Variants in IMMT observed in about 807,000 individuals in gnomAD.
IMMT encodes MICOS complex subunit MIC60.
In IMMT, 40 loss-of-function variants were observed where a neutral mutation model predicts 92.7. The ratio of observed to expected loss-of-function variants is 0.43; its 90% CI spans 0.34 to 0.56. IMMT has a LOEUF of 0.56. Ranked by LOEUF, IMMT falls within the 20% of genes least tolerant of loss-of-function variation. IMMT has a pLI of 0.03. For synonymous variants in IMMT, 322 were observed against 336.1 expected (o/e 0.96, Z 0.46); for missense variants, 831 against 912.1 (o/e 0.91, Z 1.14).
At position 86,158,670 on chromosome 2, in the gene IMMT, C is replaced by T; in HGVS notation, c.1084G>A (p.Val362Met). ...TTAAAGTCATCCCGAGCTTGGACCACCAGCTCATGATACTGAGATACAACC... is the reference window on the plus strand; with the variant it reads ...TTAAAGTCATCCCGAGCTTGGACCATCAGCTCATGATACTGAGATACAACC... ...AKVVSQYHEL[V>M]VQARDDFKRE... The change falls in exon 10 of 15, where the codon GTG becomes ATG. Residue 362 changes from valine (V) to methionine (M), a missense_variant. Physicochemically the swap from Val to Met is conservative, Grantham distance 21. Coordinates refer to ENST00000410111, the MANE Select transcript of IMMT (RefSeq NM_006839.3). 2 of 1,604,610 alleles carry T rather than the reference C, an allele frequency of 1.2e-6. No homozygotes were observed. Among genetic ancestry groups the T allele is most frequent in the Non-Finnish European group, 1.7e-6 (2 of 1,175,168 alleles).
intron 1 of IMMT, among the ~76,000 whole-genome samples, chr2:86,191,013 A>C (rs746780204): frequency 1.3e-5 from 2 of 151,936 alleles, no homozygotes; most frequent in Non-Finnish European, 2.9e-5. Context: ...TTTATGTGTC[A>C]ACTTGGACTG....
At chr2:86,188,100 C>T (rs966675413) in intron 1 of IMMT, among the ~76,000 whole-genome samples, 10 of 151,920 alleles carry the variant, frequency 6.6e-5, no homozygotes, top group East Asian at 2.0e-4. Flanking sequence ...AGTGCAATGG[C>T]GCAATCTCAG....
At chr2:86,160,778 C>CATA (rs2104921567) in intron 8 of IMMT, among the ~76,000 whole-genome samples, 1 of 152,296 alleles carries the variant, frequency 6.6e-6, no homozygotes, top group South Asian at 2.1e-4. Context: ...CTATTACATA[C>CATA]CCACTATTTT....
At chr2:86,171,090 ACT>A (rs2105223276) in intron 5 of IMMT, 116 bp downstream of exon 5, 1 of 941,854 alleles carries the variant, frequency 1.1e-6, no homozygotes, top group South Asian at 1.8e-5. Flanking sequence ...TTCCTAAGAA[ACT>A]CTGAAGACCT....
At chr2:86,189,072 T>C (rs1672966552) in intron 1 of IMMT, among the ~76,000 whole-genome samples, 1 of 152,180 alleles carries the variant, frequency 6.6e-6, no homozygotes, top group Admixed American at 6.5e-5. Context: ...TTGGCTACTT[T>C]TTTGTCCTGG....
At position 86,162,611 on chromosome 2, in the gene IMMT, T is replaced by TGA. The variant is rs1200172993; in HGVS notation, c.793-534_793-533dup. ...CTATAATCCCAGCACTTCGGGAGGC[T>TGA]GAGACCAGCGGATCACGAGGTCAAG... On this transcript the variant is annotated intron_variant, in intron 7 of 14. Transcript: ENST00000410111. 4.6e-5 allele frequency among the ~76,000 whole-genome samples: 7 copies of TGA among 152,012 alleles called. No homozygotes were observed. The South Asian group carries it at 1.0e-3, about 22-fold the overall frequency.
intron 6 of IMMT, among the ~76,000 whole-genome samples, 157 bp downstream of exon 6, chr2:86,170,592 A>C (rs539182867): frequency 2.0e-5 from 3 of 152,304 alleles, no homozygotes; most frequent in Admixed American, 6.5e-5. Flanking sequence ...GTTTAGATGA[A>C]ATGAAGGTGA....
chr2:86,170,967 A>T, intron 5 of IMMT, 123 bp from the exon 6 acceptor site: 2 of 750,904 alleles, frequency 2.7e-6, no homozygotes, highest in Non-Finnish European at 4.3e-6. Context: ...TTTTTGTGTT[A>T]AGAATTCTAA....
intron 4 of IMMT, chr2:86,171,619 TATA>T (rs765420255): frequency 5.9e-5 from 20 of 340,934 alleles, no homozygotes; most frequent in Admixed American, 2.4e-4. Flanking sequence ...AGGCAAGGCT[TATA>T]ATAATAATAT....
chr2:86,188,116 T>C (rs1032844564), intron 1 of IMMT, among the ~76,000 whole-genome samples: 1 of 152,002 alleles, frequency 6.6e-6, no homozygotes. Context: ...CTCAGCTCCC[T>C]GCAACCTTCG....
intron 1 of IMMT, chr2:86,195,116 C>A (rs940689245): frequency 4.4e-6 from 2 of 455,728 alleles, no homozygotes; most frequent in Non-Finnish European, 8.0e-6. Context: ...GCGCCTCCCG[C>A]TACTCTCCAC....
intron 1 of IMMT, among the ~76,000 whole-genome samples, chr2:86,187,992 C>G (rs898701568): frequency 2.0e-5 from 3 of 151,816 alleles, no homozygotes; most frequent in South Asian, 4.2e-4. Context: ...TTCCCACTAG[C>G]AATGTATGAG....
At chr2:86,151,263 T>A in intron 12 of IMMT, 34 bp downstream of exon 12, 2 of 1,521,562 alleles carry the variant, frequency 1.3e-6, no homozygotes, top group Non-Finnish European at 1.8e-6. Flanking sequence ...TAGAGTCACT[T>A]TAAATGTTAG....
Position 86,147,788 on chromosome 2 carries a change from G to T in IMMT, c.1447C>A (p.Leu483Ile). Residue 483 changes from leucine (L) to isoleucine (I), a missense_variant, in exon 13 of 15, where the codon CTT becomes ATT. Physicochemically the swap from Leu to Ile is conservative, Grantham distance 5. Transcript: ENST00000410111. Reference sequence around the variant, plus strand: ...GTGTGGGCAGCTGCCTGTCGGCGAAGCTGGGTTCTCATTTCATTTTCCATG... The same window carrying T: ...GTGTGGGCAGCTGCCTGTCGGCGAATCTGGGTTCTCATTTCATTTTCCATG... ...DAMENEMRTQ[L>I]RRQAAAHTDH... 2 of 1,613,908 alleles carry T rather than the reference G, an allele frequency of 1.2e-6. No individual in the cohort carries two copies. Among genetic ancestry groups the T allele is most frequent in the Non-Finnish European group, 1.7e-6 (2 of 1,179,820 alleles).
At chr2:86,155,954 AATAT>A (rs1197154139) in intron 10 of IMMT, among the ~76,000 whole-genome samples, 1 of 152,202 alleles carries the variant, frequency 6.6e-6, no homozygotes, top group Non-Finnish European at 1.5e-5. Flanking sequence ...TTGTATTGTG[AATAT>A]ATACTCTATT....
At chr2:86,191,432 C>G (rs1332663726) in intron 1 of IMMT, among the ~76,000 whole-genome samples, 1 of 151,958 alleles carries the variant, frequency 6.6e-6, no homozygotes, top group Middle Eastern at 3.4e-3. Context: ...AAGCAAGAGG[C>G]AATTCTCTAG....
Position 86,144,274 on chromosome 2 carries a change from T to C in IMMT, c.2271A>G (p.Pro757=), listed in dbSNP as rs1435666845. Residue 757 remains proline (P), a synonymous_variant, in exon 15 of 15, where the codon CCA becomes CCG. Transcript: ENST00000410111. The part of the protein sequence containing the change: ...AVGIGTTQVQ[P]E The stretch of plus-strand genomic sequence containing the variant: ...ATGAAAATCTTCCTAAACCTCACTC[T>C]GGCTGCACCTGAGTGGTTCCTATTC... 2 of 1,613,428 alleles carry C rather than the reference T, an allele frequency of 1.2e-6. No homozygotes were observed. The highest frequency in any genetic ancestry group is 1.7e-6 in the Non-Finnish European group (2 of 1,179,498).
intron 14 of IMMT, among the ~76,000 whole-genome samples, chr2:86,145,627 A>T (rs762208800): frequency 7.3e-5 from 11 of 149,960 alleles, no homozygotes; most frequent in South Asian, 2.1e-4. Context: ...ATAACATCCT[A>T]AAAAAACCCA....
At position 86,144,328 on chromosome 2, in the gene IMMT, T is replaced by C. The variant is rs1211975559; in HGVS notation, c.2217A>G (p.Glu739=). ...CGGCGCTGGCATATGCTGTCAGGAT[T>C]TCCACTATCTGTTTCGTTTCTAGGG... ...RMTLETKQIV[E]ILTAYASAVG... The change falls in exon 15 of 15, where the codon GAA becomes GAG. Residue 739 remains glutamate (E), a synonymous_variant. Coordinates refer to ENST00000410111, the MANE Select transcript of IMMT (RefSeq NM_006839.3). 1 of 1,613,888 alleles carries C rather than the reference T, an allele frequency of 6.2e-7. No homozygotes were observed. Among genetic ancestry groups the C allele is most frequent in the East Asian group, 2.2e-5 (1 of 44,890 alleles).
Sources: gnomAD v4.1 joint callset for allele counts (sites outside exome capture counted in the v4.1 genomes callset) on GRCh38, gnomAD v4.1.1 for gene constraint, MANE v1.5 for transcripts, NCBI Gene and HGNC (gene_info 2026-07-23, HGNC 2026-07-21) for gene names.